DPPA3: variants seen among roughly 807,000 people sequenced by gnomAD.
DPPA3 encodes developmental pluripotency associated 3.
Under a neutral mutation model 15.6 loss-of-function variants are expected in DPPA3, and 9 were observed. The observed-to-expected ratio is 0.58, with a 90% CI of 0.35 to 1.01. DPPA3 has a LOEUF of 1.01. Ranked by LOEUF, DPPA3 falls within the 50% of genes least tolerant of loss-of-function variation. The pLI, the probability that DPPA3 is intolerant of heterozygous loss-of-function variation, is 0.02. For missense variants in DPPA3, 148 were observed against 194.6 expected (o/e 0.76, Z 1.42); for synonymous variants, 61 against 70.9 (o/e 0.86, Z 0.70).
At chr12:7,713,767 T>A (rs1452843029) in intron 1 of DPPA3, among the ~76,000 whole-genome samples, 1 of 152,146 alleles carries the variant, frequency 6.6e-6, no homozygotes, top group Non-Finnish European at 1.5e-5. Context: ...AGTATATGGG[T>A]TTTTCTTGTC....
chr12:7,716,081 C>T, intron 2 of DPPA3, 117 bp from the exon 3 acceptor site: 1 of 883,824 alleles, frequency 1.1e-6, no homozygotes, highest in South Asian at 1.8e-5. Flanking sequence ...CCAGCCTGGG[C>T]AACAGAGAAA....
intron 1 of DPPA3, among the ~76,000 whole-genome samples, chr12:7,712,225 A>C (rs1031366348): frequency 2.7e-5 from 4 of 150,728 alleles, no homozygotes; most frequent in Non-Finnish European, 5.9e-5. Context: ...AGTACTTCAG[A>C]TTTCTAAGAC....
chr12:7,713,800 T>C (rs1038017520), intron 1 of DPPA3, among the ~76,000 whole-genome samples: 1 of 152,208 alleles, frequency 6.6e-6, no homozygotes, highest in Admixed American at 6.5e-5. Flanking sequence ...TTCCACAGAA[T>C]GTACGGTAGG....
At chr12:7,716,322 C>A (rs1864399014) in intron 3 of DPPA3, 83 bp downstream of exon 3, 2 of 1,098,300 alleles carry the variant, frequency 1.8e-6, no homozygotes, top group Non-Finnish European at 2.6e-6. Flanking sequence ...TTTCCTTTTG[C>A]CGGAATAGGG....
intron 1 of DPPA3, 125 bp from the exon 2 acceptor site, chr12:7,715,051 TTGTTTAC>T: frequency 7.3e-7 from 1 of 1,361,858 alleles, no homozygotes; most frequent in Non-Finnish European, 1.0e-6. Flanking sequence ...AGGTTGTGCG[TTGTTTAC>T]TGTGACCTTC....
At chr12:7,716,130 T>C (rs1864396459) in intron 2 of DPPA3, 68 bp from the exon 3 acceptor site, 16 of 1,333,292 alleles carry the variant, frequency 1.2e-5, no homozygotes, top group South Asian at 1.2e-4. Context: ...CTCTCCCTTA[T>C]ATAGATGTGT....
At chr12:7,713,506 C>G (rs756542800) in intron 1 of DPPA3, among the ~76,000 whole-genome samples, 1 of 152,136 alleles carries the variant, frequency 6.6e-6, no homozygotes, top group Non-Finnish European at 1.5e-5. Flanking sequence ...AAAAACAAAA[C>G]AAAACACACA....
In DPPA3 at chr12:7,715,254, T is replaced by A; in HGVS notation, c.154T>A (p.Ser52Thr). 4.3e-6 allele frequency: 7 copies of A among 1,613,836 alleles called. No homozygotes were observed. Among genetic ancestry groups the A allele is most frequent in the Non-Finnish European group, 5.9e-6 (7 of 1,179,830 alleles). The change falls in exon 2 of 4, where the codon TCT (serine) becomes ACT (threonine). Residue 52 changes from serine to threonine, a missense_variant. Physicochemically the swap from Ser to Thr is moderately conservative, Grantham distance 58. Coordinates refer to ENST00000345088, the MANE Select transcript of DPPA3 (RefSeq NM_199286.4). ...SNLTINASSE[S>T]VSPLSEALLR... ...CTTGACTATCAACGCTAGTAGCGAA[T>A]CTGTTTCCCCTCTATCGGAAGCTTT...
chr12:7,712,667 C>T (rs1405614213), intron 1 of DPPA3, among the ~76,000 whole-genome samples: 1 of 151,878 alleles, frequency 6.6e-6, no homozygotes, highest in Non-Finnish European at 1.5e-5. Context: ...AGACTGGTCT[C>T]GATCTCCTGA....
At chr12:7,712,192 G>A (rs1268523592) in intron 1 of DPPA3, among the ~76,000 whole-genome samples, 1 of 151,074 alleles carries the variant, frequency 6.6e-6, no homozygotes, top group Non-Finnish European at 1.5e-5. Flanking sequence ...TGGGATTACA[G>A]GCTTGAGCCA....
chr12:7,711,860 A>C (rs966653619), intron 1 of DPPA3, among the ~76,000 whole-genome samples: 2 of 149,656 alleles, frequency 1.3e-5, no homozygotes, highest in African/African-American at 4.9e-5. Context: ...GGTGGTGGTG[A>C]GAAATGTATT....
Position 7,711,521 on chromosome 12 carries a change from T to C in DPPA3, c.-50T>C. On this transcript the variant is annotated 5_prime_UTR_variant, in exon 1 of 4. Transcript: ENST00000345088. ...AATTTGAGGCTCTGTCATCAGTTTC[T>C]GCTACGTTTCAAAGATCCTGGAGAA... 6.4e-7 allele frequency: 1 copy of C among 1,558,606 alleles called. No homozygotes were observed. Among genetic ancestry groups the C allele is most frequent in the Non-Finnish European group, 8.7e-7 (1 of 1,147,728 alleles).
At chr12:7,714,314 C>T (rs1864375136) in intron 1 of DPPA3, among the ~76,000 whole-genome samples, 1 of 152,116 alleles carries the variant, frequency 6.6e-6, no homozygotes, top group Admixed American at 6.5e-5. Flanking sequence ...AGGACATCCC[C>T]AAAATCTGTA....
chr12:7,712,779 G>T (rs369855187), intron 1 of DPPA3, among the ~76,000 whole-genome samples: 2 of 152,080 alleles, frequency 1.3e-5, no homozygotes, highest in South Asian at 4.2e-4. Flanking sequence ...TTGACAGTGG[G>T]TCTCTCCATG....
chr12:7,711,920 CT>C (rs71038727), intron 1 of DPPA3, among the ~76,000 whole-genome samples: 79 of 127,968 alleles, frequency 6.2e-4, no homozygotes, highest in South Asian at 7.4e-4. Flanking sequence ...CTTTTTTTTT[CT>C]TTTTTTTTTT....
At chr12:7,712,673 C>T (rs984043409) in intron 1 of DPPA3, among the ~76,000 whole-genome samples, 4 of 152,156 alleles carry the variant, frequency 2.6e-5, no homozygotes, top group Non-Finnish European at 5.9e-5. Flanking sequence ...GTCTCGATCT[C>T]CTGACGTCGT....
chr12:7,715,845 G>A (rs921417128), intron 2 of DPPA3, among the ~76,000 whole-genome samples: 10 of 151,938 alleles, frequency 6.6e-5, no homozygotes, highest in Non-Finnish European at 4.4e-5. Flanking sequence ...ACTTTGGAAG[G>A]CTGAGGTGGG....
intron 1 of DPPA3, among the ~76,000 whole-genome samples, chr12:7,714,964 C>T (rs1864381851): frequency 6.6e-6 from 1 of 152,098 alleles, no homozygotes; most frequent in Non-Finnish European, 1.5e-5. Context: ...CTGCCCGCCT[C>T]GGCCTCCCAA....
At chr12:7,713,699 A>G (rs1174284583) in intron 1 of DPPA3, among the ~76,000 whole-genome samples, 1 of 152,194 alleles carries the variant, frequency 6.6e-6, no homozygotes, top group Non-Finnish European at 1.5e-5. Context: ...GGAGAGGGTA[A>G]CAGCCACTTA....
Sources: gnomAD v4.1 joint callset for allele counts (sites outside exome capture counted in the v4.1 genomes callset) on GRCh38, gnomAD v4.1.1 for gene constraint, MANE v1.5 for transcripts, NCBI Gene and HGNC (gene_info 2026-07-23, HGNC 2026-07-21) for gene names.